The following MYO9A variants were observed in gnomAD, a reference collection of about 807,000 sequenced individuals.
MYO9A encodes unconventional myosin-IXa.
MYO9A carries 103 observed loss-of-function variants against 293.3 expected under a neutral mutation model. The observed-to-expected ratio is 0.35, with a 90% CI of 0.30 to 0.41. The LOEUF is 0.41. Among genes scored for constraint, MYO9A ranks in the 10% least tolerant of loss-of-function variants. The pLI is 1.00. For missense variants in MYO9A, 2,685 were observed against 3,033.0 expected (o/e 0.89, Z 2.69); for synonymous variants, 1,001 against 1,035.7 (o/e 0.97, Z 0.64).
At chr15:72,060,703 C>T (rs1445948391) in intron 1 of MYO9A, among the ~76,000 whole-genome samples, 1 of 152,148 alleles carries the variant, frequency 6.6e-6, no homozygotes, top group Non-Finnish European at 1.5e-5. Flanking sequence ...TTCTGGCTAG[C>T]CCTACCATGG....
At chr15:71,977,763 C>T (rs975196993) in intron 12 of MYO9A, among the ~76,000 whole-genome samples, 8 of 152,118 alleles carry the variant, frequency 5.3e-5, no homozygotes, top group East Asian at 1.9e-4. Context: ...TGTGGCCACA[C>T]GCGGTGGCTC....
intron 1 of MYO9A, among the ~76,000 whole-genome samples, chr15:72,086,415 G>A (rs1226833826): frequency 5.3e-5 from 8 of 149,766 alleles, no homozygotes; most frequent in Admixed American, 4.6e-4. Context: ...AGCAATGTTG[G>A]CAAGGGGGTG....
chr15:72,116,679 C>G (rs2080991590), intron 1 of MYO9A, among the ~76,000 whole-genome samples: 1 of 152,166 alleles, frequency 6.6e-6, no homozygotes. Flanking sequence ...AGAAACAGTT[C>G]TAGTATCTGC....
intron 9 of MYO9A, among the ~76,000 whole-genome samples, chr15:71,998,764 T>C: frequency 6.6e-6 from 1 of 151,894 alleles, no homozygotes; most frequent in Admixed American, 6.5e-5. Flanking sequence ...GAGTGTGATG[T>C]TCCCCTTCCT....
chr15:71,962,387 C>T (rs2075768543), intron 13 of MYO9A, among the ~76,000 whole-genome samples: 1 of 152,182 alleles, frequency 6.6e-6, no homozygotes, highest in Non-Finnish European at 1.5e-5. Flanking sequence ...TTAGGGTTTT[C>T]CTTTCCTAAT....
intron 32 of MYO9A, among the ~76,000 whole-genome samples, chr15:71,870,292 A>G (rs1163445456): frequency 6.6e-6 from 1 of 152,186 alleles, no homozygotes; most frequent in East Asian, 1.9e-4. Flanking sequence ...GTTCCATAGG[A>G]AAAAAGGTGT....
chr15:71,954,103 G>A (rs919433073), intron 14 of MYO9A, among the ~76,000 whole-genome samples: 9 of 152,014 alleles, frequency 5.9e-5, no homozygotes, highest in Non-Finnish European at 1.3e-4. Context: ...ACCATGTTGA[G>A]CAGGATGGTC....
intron 1 of MYO9A, among the ~76,000 whole-genome samples, chr15:72,067,836 G>A (rs2079065965): frequency 6.6e-6 from 1 of 151,980 alleles, no homozygotes; most frequent in African/African-American, 2.4e-5. Flanking sequence ...TACAATTCCA[G>A]AAGCTTCAAA....
At chr15:71,969,947 G>C (rs143140203) in intron 12 of MYO9A, among the ~76,000 whole-genome samples, 26 of 152,220 alleles carry the variant, frequency 1.7e-4, no homozygotes, top group African/African-American at 5.8e-4. Context: ...ACCAATGCCT[G>C]GATCCCAACT....
At position 71,861,679 on chromosome 15, in the gene MYO9A, T is replaced by TAAAAAAAAAAAAAAAAAAAAA. The variant is rs66598621; in HGVS notation, c.6091+800_6091+820dup. Among the ~76,000 whole-genome samples, 2 of 82,930 alleles carry TAAAAAAAAAAAAAAAAAAAAA rather than the reference T, an allele frequency of 2.4e-5. 1 individual carries two copies. The highest frequency in any genetic ancestry group is 8.4e-5 in the African/African-American group (2 of 23,888). 54.4% of individuals were successfully genotyped at this position (82,930 alleles called of 152,430 possible). On this transcript the variant is annotated intron_variant, in intron 33 of 41. Transcript: ENST00000356056. Reference sequence around the variant, plus strand: ...ATCACCGTTTTAGGCACTGATGATATAAAAAAAAAAAAAAAAAAAAAACAA... The same window carrying TAAAAAAAAAAAAAAAAAAAAA: ...ATCACCGTTTTAGGCACTGATGATATAAAAAAAAAAAAAAAAAAAAAAAAAAAAAAAAAAAAAAAAAAACAA...
At chr15:71,996,505 C>T (rs914264219) in intron 9 of MYO9A, among the ~76,000 whole-genome samples, 9 of 152,088 alleles carry the variant, frequency 5.9e-5, no homozygotes, top group African/African-American at 2.2e-4. Flanking sequence ...TCAATAAACC[C>T]AAATATCAAG....
intron 3 of MYO9A, among the ~76,000 whole-genome samples, chr15:72,028,544 G>A (rs2077757256): frequency 6.6e-6 from 1 of 151,710 alleles, no homozygotes; most frequent in African/African-American, 2.4e-5. Flanking sequence ...CTACTCGGAA[G>A]GCTAAGGCAG....
chr15:72,081,329 T>C (rs543405781), intron 1 of MYO9A, among the ~76,000 whole-genome samples: 2 of 152,334 alleles, frequency 1.3e-5, no homozygotes, highest in East Asian at 3.9e-4. Context: ...TGTTGAGTGT[T>C]TTTCCACATG....
At chr15:71,928,096 A>T in intron 18 of MYO9A, among the ~76,000 whole-genome samples, 1 of 40,020 alleles carries the variant, frequency 2.5e-5, no homozygotes, top group African/African-American at 8.3e-5. Context: ...TTTGAGGCGG[A>T]GTCTCGCTCT....
At chr15:71,968,153 C>A (rs773243076) in intron 12 of MYO9A, 28 bp from the exon 13 acceptor site, 3 of 1,524,402 alleles carry the variant, frequency 2.0e-6, no homozygotes, top group Non-Finnish European at 2.6e-6. Flanking sequence ...GAAAAAATAT[C>A]ATTACAGAAA....
chr15:71,990,862 A>G (rs2148383353), intron 11 of MYO9A, among the ~76,000 whole-genome samples: 1 of 152,190 alleles, frequency 6.6e-6, no homozygotes, highest in East Asian at 1.9e-4. Context: ...CTACCAGACT[A>G]CTCTGTTTTA....
At chr15:72,092,791 T>C (rs1302912259) in intron 1 of MYO9A, among the ~76,000 whole-genome samples, 1 of 151,994 alleles carries the variant, frequency 6.6e-6, no homozygotes, top group Non-Finnish European at 1.5e-5. Flanking sequence ...TTTCCAACCA[T>C]TTAAAAATGT....
chr15:71,836,929 G>C (rs986190307), intron 39 of MYO9A, among the ~76,000 whole-genome samples: 8 of 151,858 alleles, frequency 5.3e-5, no homozygotes, highest in Admixed American at 2.6e-4. Flanking sequence ...TCTTGAGCTG[G>C]GGTGGTATGT....
chr15:72,090,094 A>G (rs575808396), intron 1 of MYO9A, among the ~76,000 whole-genome samples: 1 of 152,366 alleles, frequency 6.6e-6, no homozygotes, highest in South Asian at 2.1e-4. Context: ...CATTAGAATT[A>G]GATAGGTAGC....
Sources: allele counts gnomAD v4.1 joint callset (sites outside exome capture counted in the v4.1 genomes callset), GRCh38; gene constraint gnomAD v4.1.1; transcripts MANE v1.5; gene names NCBI Gene and HGNC (gene_info 2026-07-23, HGNC 2026-07-21).